AEBP1: variants seen among roughly 807,000 people sequenced by gnomAD.
The protein encoded by AEBP1 is adipocyte enhancer-binding protein 1.
A neutral mutation model predicts 116.5 loss-of-function variants in AEBP1; 69 were observed. The observed-to-expected ratio is 0.59, with a 90% confidence interval of 0.49 to 0.72. AEBP1 has a LOEUF of 0.72. Ranked by LOEUF, AEBP1 falls within the 30% of genes least tolerant of loss-of-function variation. The probability of loss-of-function intolerance (pLI) is 0.00; values close to 1 mark genes in which losing one functional copy is unlikely to be tolerated. For synonymous variants in AEBP1, 627 were observed against 627.3 expected (o/e 1.00, Z 0.01); for missense variants, 1,444 against 1,557.5 (o/e 0.93, Z 1.23).
intron 7 of AEBP1, 32 bp downstream of exon 7, chr7:44,109,008 C>T (rs1182813927): frequency 6.2e-7 from 1 of 1,606,394 alleles, no homozygotes; most frequent in African/African-American, 1.3e-5. Context: ...CCACACCAGG[C>T]CTGCCCTGAA....
rs755625381 is a variant in AEBP1 at position 44,113,666 on chromosome 7, C to T, written c.2882C>T (p.Thr961Ile). Residue 961 changes from threonine (T) to isoleucine (I), a missense_variant, in exon 21 of 21, where the codon ACC becomes ATC. Transcript: ENST00000223357. The surrounding 1 kb of genome is among the most constrained non-coding windows in gnomAD (Gnocchi z 5.3). Reference protein sequence around the residue: ...YRVTAHAEGYTPSAKTCNVDY... With the variant: ...YRVTAHAEGYIPSAKTCNVDY... ...GTGACAGCCCACGCGGAGGGCTACACCCCGAGCGCCAAGACCTGCAATGTT... is the reference window on the plus strand; with the variant it reads ...GTGACAGCCCACGCGGAGGGCTACATCCCGAGCGCCAAGACCTGCAATGTT... 8 of 1,613,922 alleles carry T rather than the reference C, an allele frequency of 5.0e-6. No individual in the cohort carries two copies. The highest frequency in any genetic ancestry group is 2.5e-6 in the Non-Finnish European group (3 of 1,179,966).
chr7:44,110,250 C>T lies in AEBP1; in HGVS notation c.1304C>T (p.Ala435Val). 1 of 1,613,766 alleles carries T rather than the reference C, an allele frequency of 6.2e-7. No homozygotes were observed. Among genetic ancestry groups the T allele is most frequent in the Non-Finnish European group, 8.5e-7 (1 of 1,180,004 alleles). The change falls in exon 11 of 21, where the codon GCC (alanine) becomes GTC (valine). Residue 435 changes from alanine (A) to valine (V), a missense_variant. Transcript: ENST00000223357. Reference protein sequence around the residue: ...EDDYYDGAWCAEDDARTQWIE... With the variant: ...EDDYYDGAWCVEDDARTQWIE... Reference sequence around the variant, plus strand: ...GACTACTATGATGGTGCGTGGTGTGCCGAGGACGATGCCAGGACCCAGTGG... The same window carrying T: ...GACTACTATGATGGTGCGTGGTGTGTCGAGGACGATGCCAGGACCCAGTGG...
chr7:44,108,957 C>T lies in AEBP1; in HGVS notation c.999C>T (p.Asp333=), dbSNP rs138623215. The change falls in exon 7 of 21, where the codon GAC becomes GAT. Residue 333 remains aspartate, a synonymous_variant. Transcript: ENST00000223357. This position sits in a 1 kb window ranked among gnomAD's most constrained non-coding sequence, Gnocchi z 5.0. ...PQKPDAERQT[D]EEKEELKKPK... ...AGCCCGATGCTGAGCGCCAGACAGA[C>T]GAAGAGAAGGAGGAGCTGAGTGAGT... is the stretch of plus-strand genomic sequence containing the variant. The T allele has an allele frequency of 4.4e-6, 7 of 1,603,644 alleles. No individual in the cohort carries two copies. The highest frequency in any genetic ancestry group is 1.3e-5 in the African/African-American group (1 of 74,736).
chr7:44,114,197 C>A lies in AEBP1; in HGVS notation c.3413C>A (p.Ala1138Asp), dbSNP rs1187132116. ...GAGGAGGAGAAAGAGGAGGAGATAG[C>A]CACTGGCCAGGCATTCCCCTTCACA... The part of the protein sequence containing the change: ...EEEEEKEEEI[A>D]TGQAFPFTTV... Residue 1138 changes from alanine (A) to aspartate (D), a missense_variant, in exon 21 of 21, where the codon GCC (alanine) becomes GAC (aspartate). Coordinates refer to ENST00000223357, the MANE Select transcript of AEBP1 (RefSeq NM_001129.5). 6.2e-7 allele frequency: 1 copy of A among 1,614,064 alleles called. No individual in the cohort carries two copies. Among genetic ancestry groups the A allele is most frequent in the South Asian group, 1.1e-5 (1 of 91,070 alleles).
In AEBP1 at chr7:44,111,465, C is replaced by T. The variant is rs528730723; in HGVS notation, c.1717-42C>T. On this transcript the variant is annotated intron_variant, in intron 14 of 20. Coordinates refer to ENST00000223357, the MANE Select transcript of AEBP1 (RefSeq NM_001129.5). This position sits in a 1 kb window ranked among gnomAD's most constrained non-coding sequence, Gnocchi z 4.7. ...TGGAAGGGGCATGGTCAGCGGGGGA[C>T]GGATTGCATGATTGATTCCACGTCC... is the stretch of plus-strand genomic sequence containing the variant. 42 of 1,545,766 alleles carry T rather than the reference C, an allele frequency of 2.7e-5. No homozygotes were observed. The Middle Eastern group carries it at 5.2e-4, about 19-fold the overall frequency.
chr7:44,106,634 C>T lies in AEBP1; in HGVS notation c.342C>T (p.Pro114=). Residue 114 remains proline (P), a synonymous_variant, in exon 2 of 21, where the codon CCC becomes CCT. Transcript: ENST00000223357. ...KVPKESLEGS[P]RPPKKGKEKP... is the part of the protein sequence containing the mutation. ...CCAAGGAGTCCTTGGAGGGGTCCCC[C>T]AGGCCGCCCAAGAAGGGGAAGGAGA... 6.2e-7 allele frequency: 1 copy of T among 1,612,932 alleles called. No homozygotes were observed. The highest frequency in any genetic ancestry group is 8.5e-7 in the Non-Finnish European group (1 of 1,179,744).
At chr7:44,110,433 C>T in intron 11 of AEBP1, 87 bp downstream of exon 11, 2 of 1,578,798 alleles carry the variant, frequency 1.3e-6, no homozygotes, top group Admixed American at 1.8e-5. Flanking sequence ...TTCCAGTGGG[C>T]CCTTCTTTGG....
In AEBP1 at chr7:44,105,297, G is replaced by A. The variant is rs193217680; in HGVS notation, c.253+379G>A. 9.8e-5 allele frequency among the ~76,000 whole-genome samples: 15 copies of A among 152,314 alleles called. No individual in the cohort carries two copies. In the East Asian group the frequency reaches 2.7e-3, roughly 27 times the overall value. On this transcript the variant is annotated intron_variant, in intron 1 of 20. Transcript: ENST00000223357. ...CTCCCTGTTGGTGGCACAGCTTCAC[G>A]TCGTCCCTCCCTCCTGCCTTTGCCC...
chr7:44,104,982 C>T, intron 1 of AEBP1, 64 bp downstream of exon 1: 2 of 1,338,464 alleles, frequency 1.5e-6, no homozygotes, highest in Non-Finnish European at 2.0e-6. Flanking sequence ...CAGGGGGATT[C>T]GGTAGGGTCT....
intron 1 of AEBP1, 70 bp from the exon 2 acceptor site, chr7:44,106,476 T>C (rs1475905638): frequency 6.9e-7 from 1 of 1,456,506 alleles, no homozygotes; most frequent in Non-Finnish European, 9.2e-7. Context: ...GTTCTGGGCA[T>C]CTAGAGAGGG....
In AEBP1 at chr7:44,114,469, TGCCA is replaced by T; in HGVS notation, c.*210_*213del. 2 of 648,572 alleles carry T rather than the reference TGCCA, an allele frequency of 3.1e-6. No homozygotes were observed. Among genetic ancestry groups the T allele is most frequent in the South Asian group, 4.0e-5 (2 of 49,798 alleles). The allele number at this position is 648,572 out of a possible 1,614,324, so 40.2% of individuals were successfully genotyped here. A position where few individuals can be genotyped will look rare whatever the true frequency, so the allele number is the denominator to read the frequency against. On this transcript the variant is annotated 3_prime_UTR_variant, in exon 21 of 21. Coordinates refer to ENST00000223357, the MANE Select transcript of AEBP1 (RefSeq NM_001129.5). ...GCTGTGTAGAGGCTCCTGCTCCACC[TGCCA>T]GTCTCGTAAGAGATGGGGTTGCTGC...
Position 44,104,902 on chromosome 7 carries a change from A to G in AEBP1, c.237A>G (p.Pro79=), listed in dbSNP as rs572753883. ...AQAGGKPGKR[P]GTAAEVPPEK... ...CGGGGGGCAAGCCAGGGAAGCGGCC[A>G]GGGACGGCCGCAGAAGGTAAGAGCC... The change falls in exon 1 of 21, where the codon CCA becomes CCG. Residue 79 remains proline (P), a synonymous_variant. Transcript: ENST00000223357. 8.4e-6 allele frequency: 13 copies of G among 1,546,232 alleles called. No homozygotes were observed. Among genetic ancestry groups the G allele is most frequent in the African/African-American group, 2.7e-5 (2 of 72,922 alleles).
rs779354331 is a variant in AEBP1, at chr7:44,113,302, T to C, written c.2760T>C (p.Ile920=). The C allele has an allele frequency of 1.9e-6, 3 of 1,613,526 alleles. No individual in the cohort carries two copies. Among genetic ancestry groups the C allele is most frequent in the Non-Finnish European group, 2.5e-6 (3 of 1,179,840 alleles). Reference sequence around the variant, plus strand: ...TGACGGACGAGCAAGGCATCCCCATTGCCAACGCCACCATCTCTGTGAGTG... The same window carrying C: ...TGACGGACGAGCAAGGCATCCCCATCGCCAACGCCACCATCTCTGTGAGTG... ...GVVTDEQGIP[I]ANATISVSGI... is the part of the protein sequence containing the mutation. The change falls in exon 20 of 21, where the codon ATT becomes ATC. Residue 920 remains isoleucine, a synonymous_variant. Transcript: ENST00000223357. This position sits in a 1 kb window ranked among gnomAD's most constrained non-coding sequence, Gnocchi z 5.3.
Position 44,113,754 on chromosome 7 carries a change from C to CCAA in AEBP1, c.2971_2972insAAC (p.Ile990_Arg991insGln). The CCAA allele has an allele frequency of 1.2e-6, 2 of 1,614,120 alleles. No homozygotes were observed. Among genetic ancestry groups the CCAA allele is most frequent in the Non-Finnish European group, 1.7e-6 (2 of 1,179,990 alleles). On this transcript the variant is annotated inframe_insertion, in exon 21 of 21. Coordinates refer to ENST00000223357, the MANE Select transcript of AEBP1 (RefSeq NM_001129.5). The surrounding 1 kb of genome is among the most constrained non-coding windows in gnomAD (Gnocchi z 5.3). The stretch of plus-strand genomic sequence containing the variant: ...TGGCTCGCTCCAACTGGAAGCGCAT[C>CCAA]CGGGAGATCATGGCCATGAACGGGA...
At chr7:44,106,930 T>A in intron 2 of AEBP1, 43 bp downstream of exon 2, 1 of 1,434,380 alleles carries the variant, frequency 7.0e-7, no homozygotes, top group Non-Finnish European at 9.3e-7. Context: ...TCTGACTGCC[T>A]GCTCGGGTGG....
In AEBP1 at chr7:44,112,261, C is replaced by T. The variant is rs757479224; in HGVS notation, c.2157C>T (p.Pro719=). 1.3e-6 allele frequency: 2 copies of T among 1,596,072 alleles called. No individual in the cohort carries two copies. The highest frequency in any genetic ancestry group is 2.2e-5 in the South Asian group (2 of 90,014). ...GAGCTGAGGAGAGGAAATGGGTCCC[C>T]TACCGGGTCCCCAACAATAACTTGC... ...LWGAEERKWV[P]YRVPNNNLPI... Residue 719 remains proline, a synonymous_variant, in exon 17 of 21, where the codon CCC becomes CCT. Coordinates refer to ENST00000223357, the MANE Select transcript of AEBP1 (RefSeq NM_001129.5). This position sits in a 1 kb window ranked among gnomAD's most constrained non-coding sequence, Gnocchi z 6.6.
rs889828876 is a variant in AEBP1 at position 44,108,457 on chromosome 7, T to G, written c.940+373T>G. Among the ~76,000 whole-genome samples, 2 of 152,072 alleles carry G rather than the reference T, an allele frequency of 1.3e-5. No homozygotes were observed. Among genetic ancestry groups the G allele is most frequent in the Non-Finnish European group, 2.9e-5 (2 of 67,986 alleles). On this transcript the variant is annotated intron_variant, in intron 6 of 20. Transcript: ENST00000223357. This position sits in a 1 kb window ranked among gnomAD's most constrained non-coding sequence, Gnocchi z 5.0. ...TTCAGGGAGCCCGAGGGCTTTTGCC[T>G]CCCTGTTGCTCATGCCCCTGCGTCC...
rs1289117306 is a variant in AEBP1, at chr7:44,107,402, C to T, written c.596-37C>T. On this transcript the variant is annotated intron_variant, in intron 2 of 20. Transcript: ENST00000223357. This position sits in a 1 kb window ranked among gnomAD's most constrained non-coding sequence, Gnocchi z 4.3. ...GGCTCCCAAGGTGGTCAGAGCAGGC[C>T]TCCCGCCCACCTGCTTCTGGAACTC... 2.5e-6 allele frequency: 4 copies of T among 1,606,148 alleles called. No homozygotes were observed. Among genetic ancestry groups the T allele is most frequent in the Non-Finnish European group, 3.4e-6 (4 of 1,173,950 alleles).
chr7:44,106,267 C>T, intron 1 of AEBP1: 1 of 617,206 alleles, frequency 1.6e-6, no homozygotes, highest in Non-Finnish European at 3.0e-6. Flanking sequence ...GAGGTTTTGG[C>T]AGGTGGGGGG....
Sources: allele counts gnomAD v4.1 joint callset (sites outside exome capture counted in the v4.1 genomes callset), GRCh38; gene constraint gnomAD v4.1.1; non-coding constraint Gnocchi (gnomAD v3.1); transcripts MANE v1.5; gene names NCBI Gene and HGNC (gene_info 2026-07-23, HGNC 2026-07-21).